The following FBXO31 variants were observed in gnomAD, a reference collection of about 807,000 sequenced individuals.
The protein encoded by FBXO31 is F-box protein 31, also known as F-box only protein 31.
FBXO31 carries 24 observed loss-of-function variants against 54.4 expected under a neutral mutation model. The observed-to-expected ratio is 0.44, with a 90% CI of 0.32 to 0.62. The LOEUF is 0.62. Ranked by LOEUF, FBXO31 falls within the 20% of genes least tolerant of loss-of-function variation. The pLI is 0.05. For missense variants in FBXO31, 665 were observed against 787.1 expected (o/e 0.84, Z 1.86); for synonymous variants, 388 against 335.6 (o/e 1.16, Z -1.71).
At chr16:87,339,588 G>A (rs571330305) in intron 5 of FBXO31, among the ~76,000 whole-genome samples, 14 of 152,318 alleles carry the variant, frequency 9.2e-5, no homozygotes, top group African/African-American at 3.4e-4. Flanking sequence ...TGGGACAGTG[G>A]CACCCTCACC....
chr16:87,383,362 G>A lies in FBXO31; in HGVS notation c.340+43C>T, dbSNP rs1374630639. 2 of 1,441,536 alleles carry A rather than the reference G, an allele frequency of 1.4e-6. No homozygotes were observed. The highest frequency in any genetic ancestry group is 1.2e-5 in the South Asian group (1 of 80,018). The allele number at this position is 1,441,536 out of a possible 1,614,324, so 89.3% of individuals were successfully genotyped here. ...CAGCTCCGAGGCCTCCACCTGGCAG[G>A]GACCCCCCGCCCCTCCCGGCCCCGC... On this transcript the variant is annotated intron_variant, in intron 1 of 8. Transcript: ENST00000311635. This position sits in a 1 kb window ranked among gnomAD's most constrained non-coding sequence, Gnocchi z 4.9.
At chr16:87,372,733 T>C (rs1416912572) in intron 1 of FBXO31, among the ~76,000 whole-genome samples, 1 of 106,006 alleles carries the variant, frequency 9.4e-6, no homozygotes, top group East Asian at 2.1e-4. Context: ...GTTAATTTCC[T>C]TTTTTTTTTT....
At chr16:87,373,992 C>A (rs1387084106) in intron 1 of FBXO31, among the ~76,000 whole-genome samples, 1 of 152,104 alleles carries the variant, frequency 6.6e-6, no homozygotes, top group African/African-American at 2.4e-5. Flanking sequence ...ACCTGTAATG[C>A]ACTTTGGGAG....
Position 87,335,852 on chromosome 16 carries a change from T to C in FBXO31, c.842+303A>G, listed in dbSNP as rs927725936. On this transcript the variant is annotated intron_variant, in intron 6 of 8. Transcript: ENST00000311635. The surrounding 1 kb of genome is among the most constrained non-coding windows in gnomAD (Gnocchi z 5.7). ...TTGGCAGGGGTGACAGGAAATCAGA[T>C]AAAAACAGACACCCGGGTGAAGGAT... 2.0e-5 allele frequency among the ~76,000 whole-genome samples: 3 copies of C among 151,602 alleles called. No individual in the cohort carries two copies. The highest frequency in any genetic ancestry group is 4.9e-5 in the African/African-American group (2 of 41,210).
rs1905037472 is a variant in FBXO31, at chr16:87,336,046, A to G, written c.842+109T>C. 4 of 836,430 alleles carry G rather than the reference A, an allele frequency of 4.8e-6. No homozygotes were observed. Among genetic ancestry groups the G allele is most frequent in the East Asian group, 2.7e-5 (1 of 36,622 alleles). 51.8% of individuals were successfully genotyped at this position (836,430 alleles called of 1,614,324 possible). A position where few individuals can be genotyped will look rare whatever the true frequency, so the allele number is the denominator to read the frequency against. ...CCAGCAGGAGAGAGGGCTGAACCCC[A>G]GCACCCACTGAGACAAAGGACTATG... On this transcript the variant is annotated intron_variant, in intron 6 of 8. Coordinates refer to ENST00000311635, the MANE Select transcript of FBXO31 (RefSeq NM_024735.5). This position sits in a 1 kb window ranked among gnomAD's most constrained non-coding sequence, Gnocchi z 6.5.
At chr16:87,362,913 A>G (rs1906198665) in intron 1 of FBXO31, among the ~76,000 whole-genome samples, 1 of 152,044 alleles carries the variant, frequency 6.6e-6, no homozygotes, top group Non-Finnish European at 1.5e-5. Context: ...GGAGTCAGGG[A>G]CCCCTGTCTT....
chr16:87,343,561 T>G (rs774365174), intron 4 of FBXO31, 37 bp downstream of exon 4: 3 of 1,563,436 alleles, frequency 1.9e-6, no homozygotes, highest in Non-Finnish European at 2.6e-6. Flanking sequence ...AGGACAGCCC[T>G]GGGACAGTGA....
At chr16:87,388,440 G>C (rs920229400), upstream of FBXO31, among the ~76,000 whole-genome samples, 1 of 152,340 alleles carries the variant, frequency 6.6e-6, no homozygotes, top group African/African-American at 2.4e-5. Context: ...ACACCACGAT[G>C]GATAGGACAC....
At chr16:87,385,010 TCAAACAAA>T (rs147856418), upstream of FBXO31, among the ~76,000 whole-genome samples, 4 of 150,318 alleles carry the variant, frequency 2.7e-5, no homozygotes, top group African/African-American at 7.4e-5. Context: ...CCCTGTCTCT[TCAAACAAA>T]CAAACAAACA....
At position 87,346,737 on chromosome 16, in the gene FBXO31, AG is replaced by A. The variant is rs1473152771; in HGVS notation, c.489+436del. On this transcript the variant is annotated intron_variant, in intron 3 of 8. Coordinates refer to ENST00000311635, the MANE Select transcript of FBXO31 (RefSeq NM_024735.5). This position sits in a 1 kb window ranked among gnomAD's most constrained non-coding sequence, Gnocchi z 4.2. ...TCGAGAGGCTCCAGTAGGAGGGCAC[AG>A]GGGGCGGGAGGCAGGGTGGTCAGAG... 5.9e-5 allele frequency among the ~76,000 whole-genome samples: 9 copies of A among 152,178 alleles called. No homozygotes were observed. Among genetic ancestry groups the A allele is most frequent in the Non-Finnish European group, 1.3e-4 (9 of 68,024 alleles).
chr16:87,391,358 A>C (rs1907540023), upstream of FBXO31, among the ~76,000 whole-genome samples: 1 of 152,238 alleles, frequency 6.6e-6, no homozygotes, highest in Non-Finnish European at 1.5e-5. Flanking sequence ...CATTGGCCAC[A>C]GGCTGAGGTG....
intron 8 of FBXO31, 118 bp from the exon 9 acceptor site, chr16:87,331,628 C>CTTCTGG: frequency 2.3e-6 from 2 of 866,100 alleles, no homozygotes; most frequent in Non-Finnish European, 3.5e-6. Flanking sequence ...TGTTCATCAG[C>CTTCTGG]CAGAAGCTGA....
chr16:87,389,845 G>C (rs1907460141), exon 1 of FBXO31: 1 of 152,128 alleles, frequency 6.6e-6, no homozygotes, highest in South Asian at 2.1e-4. Context: ...AAAAATTTCG[G>C]AATCTGGAAA....
rs115894259 is a variant in FBXO31 at position 87,379,324 on chromosome 16, G to A, written c.340+4081C>T. Among the ~76,000 whole-genome samples the A allele has an allele frequency of 3.9e-5, 6 of 152,224 alleles. No homozygotes were observed. The South Asian group carries it at 1.2e-3, about 32-fold the overall frequency. On this transcript the variant is annotated intron_variant, in intron 1 of 8. Transcript: ENST00000311635. ...AAAGGTGGGAAGGTTCTGCAGAGCT[G>A]GGGGGAGAATAGCTGAAGGCAGCTG...
intron 1 of FBXO31, chr16:87,389,575 C>A (rs1907448694): frequency 6.6e-6 from 1 of 152,126 alleles, no homozygotes; most frequent in African/African-American, 2.4e-5. Context: ...AAAGAAAAAG[C>A]CCATTTCTTA....
At position 87,335,195 on chromosome 16, in the gene FBXO31, T is replaced by A; in HGVS notation, c.996+109A>T. 6.6e-7 allele frequency: 1 copy of A among 1,516,300 alleles called. No individual in the cohort carries two copies. The highest frequency in any genetic ancestry group is 2.3e-5 in the East Asian group (1 of 44,256). The allele number at this position is 1,516,300 out of a possible 1,614,324, so 93.9% of individuals were successfully genotyped here. A position where few individuals can be genotyped will look rare whatever the true frequency, so the allele number is the denominator to read the frequency against. ...CGGGGCTGCAGGTGCAAGCCCACTC[T>A]GAGGAGCAAGGGTGCCGGGGATCAG... On this transcript the variant is annotated intron_variant, in intron 7 of 8. Transcript: ENST00000311635. This position sits in a 1 kb window ranked among gnomAD's most constrained non-coding sequence, Gnocchi z 5.7.
Position 87,330,992 on chromosome 16 carries a change from C to T in FBXO31, c.*296G>A, listed in dbSNP as rs532289498. On this transcript the variant is annotated 3_prime_UTR_variant, in exon 9 of 9. Transcript: ENST00000311635. ...CAGCCAGCCCAGGGTGCGGGAACCC[C>T]ACCGCTTCAATTCTCACGCGGTCCC... The T allele has an allele frequency of 6.5e-4, 220 of 336,520 alleles. 2 individuals carry two copies. Among genetic ancestry groups the T allele is most frequent in the Middle Eastern group, 4.4e-3 (5 of 1,142 alleles). The allele number at this position is 336,520 out of a possible 1,614,324, so 20.8% of individuals were successfully genotyped here.
In FBXO31 at chr16:87,334,297, G is replaced by A. The variant is rs1567613158; in HGVS notation, c.997-11C>T. On this transcript the variant is annotated splice_polypyrimidine_tract_variant and intron_variant, in intron 7 of 8. Transcript: ENST00000311635. ...GATGTTGGGGTCGCCCTGTGGAGCAGGTGGCAGTCAGCAGGGCTCAGGCCA... is the reference window on the plus strand; with the variant it reads ...GATGTTGGGGTCGCCCTGTGGAGCAAGTGGCAGTCAGCAGGGCTCAGGCCA... The A allele has an allele frequency of 1.3e-6, 2 of 1,557,424 alleles. No individual in the cohort carries two copies. Among genetic ancestry groups the A allele is most frequent in the Non-Finnish European group, 1.7e-6 (2 of 1,148,816 alleles).
chr16:87,353,208 G>A (rs1204467817), intron 2 of FBXO31, among the ~76,000 whole-genome samples: 1 of 152,190 alleles, frequency 6.6e-6, no homozygotes, highest in Non-Finnish European at 1.5e-5. Context: ...AGAGCCGCAT[G>A]CAGCCTCTCC....
Sources: gnomAD v4.1 joint callset for allele counts (sites outside exome capture counted in the v4.1 genomes callset) on GRCh38, gnomAD v4.1.1 for gene constraint, Gnocchi (gnomAD v3.1) non-coding constraint, MANE v1.5 for transcripts, NCBI Gene and HGNC (gene_info 2026-07-23, HGNC 2026-07-21) for gene names.